The following CELF2 variants were observed in gnomAD, a reference collection of about 807,000 sequenced individuals.
CELF2 encodes the protein CUG triplet repeat RNA-binding protein 2.
A neutral mutation model predicts 62.6 loss-of-function variants in CELF2; 8 were observed. The observed-to-expected ratio is 0.13, with a 90% CI of 0.07 to 0.23. CELF2 has a LOEUF of 0.23. Ranked by LOEUF, CELF2 falls within the 10% of genes least tolerant of loss-of-function variation. CELF2 has a pLI of 1.00. For missense variants in CELF2, 333 were observed against 671.0 expected (o/e 0.50, Z 5.56); for synonymous variants, 258 against 250.0 (o/e 1.03, Z -0.30).
At chr10:10,575,853 A>G in the CELF2 span, among the ~76,000 whole-genome samples, 1 of 152,222 alleles carries the variant, frequency 6.6e-6, no homozygotes, top group Non-Finnish European at 1.5e-5. Flanking sequence ...GTGAAATTCA[A>G]CAACTGAAAA....
chr10:11,167,163 A>G (rs146704643), intron 2 of CELF2, among the ~76,000 whole-genome samples: 37 of 152,364 alleles, frequency 2.4e-4, no homozygotes, highest in East Asian at 1.7e-3. Context: ...TTTATTGGAC[A>G]TATTCTGATA....
At chr10:10,659,959 G>A in the CELF2 span, among the ~76,000 whole-genome samples, 47 of 152,294 alleles carry the variant, frequency 3.1e-4, no homozygotes, top group Middle Eastern at 0.01. Flanking sequence ...GAGAGGTGGC[G>A]TGACGACAAA....
rs570792516 is a variant in CELF2, at chr10:11,297,244, A to T, written c.976+8692A>T. Among the ~76,000 whole-genome samples the T allele has an allele frequency of 8.5e-5, 13 of 152,340 alleles. No individual in the cohort carries two copies. The highest frequency in any genetic ancestry group is 3.1e-4 in the African/African-American group (13 of 41,580). On this transcript the variant is annotated intron_variant, in intron 9 of 12. Transcript: ENST00000633077. The surrounding 1 kb of genome is among the most constrained non-coding windows in gnomAD (Gnocchi z 4.4). ...AGAGCTCAAGTGCACATGAACGGAC[A>T]TTCCGTGAAATGTGTCCAGCAGCAG...
intron 1 of CELF2, among the ~76,000 whole-genome samples, chr10:10,873,831 T>C (rs762448315): frequency 6.6e-6 from 1 of 152,216 alleles, no homozygotes; most frequent in Non-Finnish European, 1.5e-5. Flanking sequence ...TTCACCCCTT[T>C]GTCCAGCCTT....
At chr10:10,618,691 C>T in the CELF2 span, among the ~76,000 whole-genome samples, 1 of 152,220 alleles carries the variant, frequency 6.6e-6, no homozygotes, top group South Asian at 2.1e-4. Flanking sequence ...GCATCGTTGT[C>T]TGGAGTAACT....
chr10:10,535,411 C>T, the CELF2 span, among the ~76,000 whole-genome samples: 1 of 152,148 alleles, frequency 6.6e-6, no homozygotes, highest in Admixed American at 6.5e-5. Flanking sequence ...AGGAACCGTA[C>T]CTTGTCCCTT....
rs1311289515 is a variant in CELF2, at chr10:11,246,441, A to T, written c.355-2712A>T. 6.6e-6 allele frequency among the ~76,000 whole-genome samples: 1 copy of T among 152,152 alleles called. No homozygotes were observed. The highest frequency in any genetic ancestry group is 2.4e-5 in the African/African-American group (1 of 41,432). Reference sequence around the variant, plus strand: ...TTGCAGGTGACCTCAAAATAGAAGAAGCCCTCATTCACCCTATCTACTGTT... The same window carrying T: ...TTGCAGGTGACCTCAAAATAGAAGATGCCCTCATTCACCCTATCTACTGTT... On this transcript the variant is annotated intron_variant, in intron 3 of 12. Coordinates refer to ENST00000633077, the MANE Select transcript of CELF2 (RefSeq NM_001326342.2). This position sits in a 1 kb window ranked among gnomAD's most constrained non-coding sequence, Gnocchi z 4.6.
At chr10:10,627,777 G>A in the CELF2 span, among the ~76,000 whole-genome samples, 1 of 152,294 alleles carries the variant, frequency 6.6e-6, no homozygotes, top group Non-Finnish European at 1.5e-5. Context: ...TTTCTACATA[G>A]CCTCTTAAAA....
At chr10:10,889,874 G>A (rs921029512) in intron 1 of CELF2, among the ~76,000 whole-genome samples, 8 of 152,130 alleles carry the variant, frequency 5.3e-5, no homozygotes, top group East Asian at 1.9e-4. Flanking sequence ...TGGAATTTTC[G>A]GGGACCATTT....
chr10:10,757,975 T>A, the CELF2 span, among the ~76,000 whole-genome samples: 1 of 152,212 alleles, frequency 6.6e-6, no homozygotes, highest in African/African-American at 2.4e-5. Context: ...GTGGTTGGGT[T>A]CAGGGGCCTG....
At chr10:10,926,321 T>C (rs2065454990) in intron 2 of CELF2, among the ~76,000 whole-genome samples, 1 of 152,288 alleles carries the variant, frequency 6.6e-6, no homozygotes, top group African/African-American at 2.4e-5. Context: ...GCAGATTCAC[T>C]CCTTTTCTCG....
the CELF2 span, among the ~76,000 whole-genome samples, chr10:10,649,795 A>C: frequency 6.6e-6 from 1 of 152,152 alleles, no homozygotes. Context: ...AGTGTAGGTA[A>C]ACTGAAAATG....
intron 1 of CELF2, among the ~76,000 whole-genome samples, chr10:10,801,827 A>G (rs567974522): frequency 1.3e-5 from 2 of 152,298 alleles, no homozygotes; most frequent in Non-Finnish European, 2.9e-5. Flanking sequence ...TTATGCCACA[A>G]TATAGTGTTT....
chr10:10,503,172 T>C, the CELF2 span, among the ~76,000 whole-genome samples: 1 of 151,992 alleles, frequency 6.6e-6, no homozygotes, highest in South Asian at 2.1e-4. Context: ...ATGTGTTTTA[T>C]GGGCACTTGA....
At chr10:10,903,891 A>G (rs2063129658) in intron 1 of CELF2, among the ~76,000 whole-genome samples, 1 of 152,166 alleles carries the variant, frequency 6.6e-6, no homozygotes, top group East Asian at 1.9e-4. Context: ...CAGGTCATGC[A>G]TGCCTGCATA....
chr10:10,838,047 A>T (rs928525292), intron 1 of CELF2, among the ~76,000 whole-genome samples: 19 of 152,096 alleles, frequency 1.2e-4, no homozygotes, highest in Admixed American at 9.2e-4. Context: ...TCCCGATTCC[A>T]TCCAGGATGT....
In CELF2 at chr10:11,334,577, A is replaced by ATTT. The variant is rs1043811663; in HGVS notation, c.*5525_*5527dup. 1.3e-5 allele frequency: 2 copies of ATTT among 152,320 alleles called. No individual in the cohort carries two copies. The highest frequency in any genetic ancestry group is 2.9e-5 in the Non-Finnish European group (2 of 68,036). 9.4% of individuals were successfully genotyped at this position (152,320 alleles called of 1,614,324 possible). A position where few individuals can be genotyped will look rare whatever the true frequency, so the allele number is the denominator to read the frequency against. On this transcript the variant is annotated 3_prime_UTR_variant, in exon 13 of 13. Transcript: ENST00000633077. ...GCCCACTTGAACTCCTGCTTCCAAGATTTATACACTTTTTTCCTACAGTTC... is the reference window on the plus strand; with the variant it reads ...GCCCACTTGAACTCCTGCTTCCAAGATTTTTTATACACTTTTTTCCTACAGTTC...
chr10:10,848,103 A>C (rs998289894), intron 1 of CELF2, among the ~76,000 whole-genome samples: 1 of 152,190 alleles, frequency 6.6e-6, no homozygotes, highest in Non-Finnish European at 1.5e-5. Context: ...TATATTGTGC[A>C]TATCAGTTCA....
chr10:10,547,349 C>G, the CELF2 span, among the ~76,000 whole-genome samples: 1 of 152,118 alleles, frequency 6.6e-6, no homozygotes, highest in African/African-American at 2.4e-5. Flanking sequence ...TGGTTCTACA[C>G]CTGTCAGAAA....
Sources: gnomAD v4.1 joint callset for allele counts (sites outside exome capture counted in the v4.1 genomes callset) on GRCh38, gnomAD v4.1.1 for gene constraint, Gnocchi (gnomAD v3.1) non-coding constraint, MANE v1.5 for transcripts, NCBI Gene and HGNC (gene_info 2026-07-23, HGNC 2026-07-21) for gene names.